The following GP6 variants were observed in gnomAD, a reference collection of about 807,000 sequenced individuals.
The protein encoded by GP6 is glycoprotein VI platelet, also known as platelet glycoprotein VI.
A neutral mutation model predicts 37.3 loss-of-function variants in GP6; 45 were observed. That is an observed-to-expected ratio of 1.21 (90% CI 0.95 to 1.55). GP6 has a LOEUF of 1.55. Among genes scored for constraint, GP6 ranks in the 40% most tolerant of loss-of-function variants. The pLI, the probability that GP6 is intolerant of heterozygous loss-of-function variation, is 0.00. For synonymous variants in GP6, 340 were observed against 316.4 expected (o/e 1.07, Z -0.79); for missense variants, 813 against 760.2 (o/e 1.07, Z -0.82).
In GP6 at chr19:55,014,278, GTTTTT is replaced by G. The variant is rs754459187; in HGVS notation, c.1662_1666del (p.Lys554AsnfsTer35). ...ACCACCACACCTGGCTAATTTTTGT[GTTTTT>G]TTGTTTTGTTGGTAGAGATGAGGTT... On this transcript the variant is annotated frameshift_variant, in exon 8 of 8. Coordinates refer to ENST00000310373, the MANE Select transcript of GP6 (RefSeq NM_001083899.2). LOFTEE classifies it high-confidence loss of function. 5 of 1,333,144 alleles carry G rather than the reference GTTTTT, an allele frequency of 3.8e-6. No individual in the cohort carries two copies. The allele number at this position is 1,333,144 out of a possible 1,614,324, so 82.6% of individuals were successfully genotyped here.
intron 3 of GP6, 144 bp downstream of exon 3, chr19:55,031,995 A>G (rs904115347): frequency 8.1e-5 from 65 of 803,482 alleles, no homozygotes; most frequent in Admixed American, 3.1e-4. Context: ...TATTATTCAC[A>G]TTGATCCATA....
At chr19:55,024,330 G>A (rs1568613233) in intron 5 of GP6, among the ~76,000 whole-genome samples, 1 of 35,680 alleles carries the variant, frequency 2.8e-5, no homozygotes, top group Non-Finnish European at 8.6e-5. Flanking sequence ...ACACACATAT[G>A]CACGCACACA....
intron 4 of GP6, 22 bp downstream of exon 4, chr19:55,027,556 G>A (rs2074351141): frequency 1.2e-6 from 2 of 1,602,384 alleles, no homozygotes; most frequent in African/African-American, 2.7e-5. Flanking sequence ...AGGAAGAAAG[G>A]TTTGGTCTGC....
intron 3 of GP6, among the ~76,000 whole-genome samples, 190 bp from the exon 4 acceptor site, chr19:55,028,052 T>C (rs754234918): frequency 1.3e-5 from 2 of 152,194 alleles, no homozygotes; most frequent in Non-Finnish European, 2.9e-5. Context: ...TGTGCTCACG[T>C]CCTAGTGCTT....
At position 55,015,008 on chromosome 19, in the gene GP6, G is replaced by GGGCGGAAGC; in HGVS notation, c.928_936dup (p.Ala310_Ala312dup). On this transcript the variant is annotated inframe_insertion, in exon 8 of 8. Coordinates refer to ENST00000310373, the MANE Select transcript of GP6 (RefSeq NM_001083899.2). ...TCCGGGTCAGCGGGAGGGGCGGGAG[G>GGGCGGAAGC]GGCGGAAGCGGCCTCTGCACAGCCC... The GGGCGGAAGC allele has an allele frequency of 1.9e-6, 3 of 1,611,992 alleles. No individual in the cohort carries two copies. Among genetic ancestry groups the GGGCGGAAGC allele is most frequent in the African/African-American group, 2.7e-5 (2 of 74,850 alleles).
chr19:55,037,330 C>T (rs1158507096), intron 1 of GP6, among the ~76,000 whole-genome samples: 1 of 117,292 alleles, frequency 8.5e-6, no homozygotes, highest in African/African-American at 3.1e-5. Context: ...GATATCAATT[C>T]CACAATTTTT....
At chr19:55,025,302 G>A in intron 4 of GP6, 31 bp from the exon 5 acceptor site, 3 of 1,423,624 alleles carry the variant, frequency 2.1e-6, no homozygotes, top group Non-Finnish European at 2.9e-6. Context: ...ATAAATCTGT[G>A]CTCTGTCGCT....
rs1456856082 is a variant in GP6 at position 55,014,460 on chromosome 19, G to C, written c.1485C>G (p.Ile495Met). ...GGAGATTTGTTAGACCGCAGTGGGA[G>C]ATGGAGTGAGGGTGAGAGTTTCTGG... The change falls in exon 8 of 8, where the codon ATC becomes ATG. Residue 495 changes from isoleucine (I) to methionine (M), a missense_variant. Transcript: ENST00000310373. The C allele has an allele frequency of 6.2e-7, 1 of 1,613,598 alleles. No homozygotes were observed. The highest frequency in any genetic ancestry group is 1.3e-5 in the African/African-American group (1 of 74,928).
intron 5 of GP6, among the ~76,000 whole-genome samples, chr19:55,024,304 A>ACATGCACG (rs2074202167): frequency 1.3e-5 from 1 of 75,738 alleles, no homozygotes; most frequent in Non-Finnish European, 2.8e-5. Flanking sequence ...ACGCATGCAC[A>ACATGCACG]CACATATGCA....
chr19:55,015,823 A>G, intron 6 of GP6, 90 bp from the exon 7 acceptor site: 1 of 760,738 alleles, frequency 1.3e-6, no homozygotes, highest in Non-Finnish European at 2.4e-6. Context: ...ACACATGGGG[A>G]GGCACAATTC....
chr19:55,018,170 A>G (rs7257207), intron 6 of GP6, among the ~76,000 whole-genome samples: 47,916 of 152,084 alleles, frequency 0.32, 7,801 homozygotes, highest in East Asian at 0.55. Context: ...GAATCTGTGA[A>G]GGTGTTTAGT....
In GP6 at chr19:55,027,769, A is replaced by G. The variant is rs374450055; in HGVS notation, c.419T>C (p.Phe140Ser). 5.0e-5 allele frequency: 81 copies of G among 1,613,982 alleles called. No individual in the cohort carries two copies. Among genetic ancestry groups the G allele is most frequent in the Non-Finnish European group, 5.8e-5 (69 of 1,179,828 alleles). ...TTCCTTGTACAGAGCAAATTGGTCA[A>G]AGCCATACCGAGTCTGACACTGTAG... The change falls in exon 4 of 8, where the codon TTT (phenylalanine) becomes TCT (serine). Residue 140 changes from phenylalanine (F) to serine (S), a missense_variant. Physicochemically the swap from Phe to Ser is radical, Grantham distance 155. Transcript: ENST00000310373.
At chr19:55,034,876 C>T (rs1568650055) in intron 1 of GP6, among the ~76,000 whole-genome samples, 1 of 152,130 alleles carries the variant, frequency 6.6e-6, no homozygotes. Flanking sequence ...CAGAGAGTGA[C>T]AACTTGTCAC....
At chr19:55,033,794 A>G (rs1281992328) in intron 1 of GP6, among the ~76,000 whole-genome samples, 1 of 152,210 alleles carries the variant, frequency 6.6e-6, no homozygotes, top group Non-Finnish European at 1.5e-5. Context: ...ATTGGGCTCC[A>G]AGGATGGAGC....
At chr19:55,015,630 T>TGGTGAAGAGACG in intron 7 of GP6, 53 bp downstream of exon 7, 1 of 1,101,022 alleles carries the variant, frequency 9.1e-7, no homozygotes, top group South Asian at 1.2e-5. Flanking sequence ...GAGTTGGCTT[T>TGGTGAAGAGACG]GGTGAAGAGA....
chr19:55,029,227 TC>T (rs1413747774), intron 3 of GP6, among the ~76,000 whole-genome samples: 2 of 147,282 alleles, frequency 1.4e-5, no homozygotes, highest in Non-Finnish European at 3.0e-5. Flanking sequence ...CTGTCTGTAT[TC>T]TTTTTTTGTT....
chr19:55,022,596 A>G (rs191932353), intron 5 of GP6, among the ~76,000 whole-genome samples: 24 of 152,360 alleles, frequency 1.6e-4, no homozygotes, highest in African/African-American at 4.6e-4. Context: ...ACATGATCCT[A>G]TATCTAGAAA....
chr19:55,031,564 G>GT (rs1176918190), intron 3 of GP6, among the ~76,000 whole-genome samples: 2 of 152,186 alleles, frequency 1.3e-5, no homozygotes, highest in Admixed American at 6.5e-5. Context: ...TGAAATTCTG[G>GT]TTTTTTTCAT....
In GP6 at chr19:55,014,107, A is replaced by T; in HGVS notation, c.1838T>A (p.Met613Lys). 1.5e-6 allele frequency: 1 copy of T among 677,634 alleles called. No homozygotes were observed. Among genetic ancestry groups the T allele is most frequent in the East Asian group, 2.8e-5 (1 of 35,272 alleles). The allele number at this position is 677,634 out of a possible 1,614,324, so 42.0% of individuals were successfully genotyped here. A position where few individuals can be genotyped will look rare whatever the true frequency, so the allele number is the denominator to read the frequency against. ...TCAAATCAGGGTAATTGACATATTCATCCCTGTATTTTTTGAGACAAAGTC... is the reference window on the plus strand; with the variant it reads ...TCAAATCAGGGTAATTGACATATTCTTCCCTGTATTTTTTGAGACAAAGTC... The change falls in exon 8 of 8, where the codon ATG becomes AAG. Residue 613 changes from methionine (M) to lysine (K), a missense_variant. Coordinates refer to ENST00000310373, the MANE Select transcript of GP6 (RefSeq NM_001083899.2).
Sources: allele counts gnomAD v4.1 joint callset (sites outside exome capture counted in the v4.1 genomes callset), GRCh38; gene constraint gnomAD v4.1.1; transcripts MANE v1.5; gene names NCBI Gene and HGNC (gene_info 2026-07-23, HGNC 2026-07-21).